Variants in UNC5C observed in about 807,000 individuals in gnomAD.
UNC5C encodes the protein netrin receptor UNC5C.
In UNC5C, 47 loss-of-function variants were observed where a neutral mutation model predicts 99.8. The observed-to-expected ratio is 0.47, with a 90% CI of 0.37 to 0.60. The LOEUF (loss-of-function observed/expected upper bound fraction) is 0.60. UNC5C is among the 20% of genes least tolerant of loss of function. The pLI is 0.00. For synonymous variants in UNC5C, 487 were observed against 452.2 expected (o/e 1.08, Z -0.98); for missense variants, 1,062 against 1,165.9 (o/e 0.91, Z 1.30).
chr4:95,358,191 G>A (rs1273909972), intron 1 of UNC5C, among the ~76,000 whole-genome samples: 1 of 152,060 alleles, frequency 6.6e-6, no homozygotes, highest in African/African-American at 2.4e-5. Context: ...AAACAAAAAA[G>A]CATCACAATC....
At chr4:95,320,857 T>C (rs1056797513) in intron 2 of UNC5C, among the ~76,000 whole-genome samples, 11 of 152,226 alleles carry the variant, frequency 7.2e-5, no homozygotes, top group Non-Finnish European at 1.3e-4. Flanking sequence ...TGCTTTCATC[T>C]TCACTGTGGA....
intron 1 of UNC5C, among the ~76,000 whole-genome samples, chr4:95,466,867 A>C (rs1226585528): frequency 1.3e-5 from 2 of 152,142 alleles, no homozygotes; most frequent in Non-Finnish European, 2.9e-5. Context: ...GGTGGAGTCT[A>C]ACTTCATTCC....
chr4:95,218,186 C>A (rs546136312), intron 9 of UNC5C, among the ~76,000 whole-genome samples: 3 of 152,078 alleles, frequency 2.0e-5, no homozygotes, highest in Non-Finnish European at 4.4e-5. Flanking sequence ...CAGCCTTGCC[C>A]AAAAGAATTA....
chr4:95,438,188 T>C (rs1252617337), intron 1 of UNC5C, among the ~76,000 whole-genome samples: 1 of 152,080 alleles, frequency 6.6e-6, no homozygotes, highest in African/African-American at 2.4e-5. Context: ...ACTCTAGTTT[T>C]AATAAGATAT....
chr4:95,201,430 A>C (rs1237398835), intron 12 of UNC5C, among the ~76,000 whole-genome samples: 1 of 152,150 alleles, frequency 6.6e-6, no homozygotes, highest in East Asian at 1.9e-4. Flanking sequence ...CACTGAAGTC[A>C]GGCTGATATT....
chr4:95,371,430 GGGGGA>G (rs1295693567), intron 1 of UNC5C, among the ~76,000 whole-genome samples: 1 of 67,180 alleles, frequency 1.5e-5, no homozygotes, highest in African/African-American at 8.9e-5. Flanking sequence ...TTGTGGGGGG[GGGGGA>G]GTATCAAATG....
At chr4:95,188,281 G>C (rs1009872859) in intron 12 of UNC5C, among the ~76,000 whole-genome samples, 6 of 152,134 alleles carry the variant, frequency 3.9e-5, no homozygotes, top group East Asian at 1.9e-4. Context: ...TTCCCGCAAA[G>C]TGGCAACTGG....
intron 1 of UNC5C, among the ~76,000 whole-genome samples, chr4:95,364,303 C>T (rs1256463906): frequency 6.6e-6 from 1 of 152,086 alleles, no homozygotes; most frequent in African/African-American, 2.4e-5. Flanking sequence ...TTTTGATACA[C>T]CAAAATGCTG....
At chr4:95,322,678 C>T (rs890894859) in intron 2 of UNC5C, among the ~76,000 whole-genome samples, 5 of 152,000 alleles carry the variant, frequency 3.3e-5, no homozygotes, top group Admixed American at 6.6e-5. Flanking sequence ...GTGGCTCACA[C>T]CTATAATCCC....
At chr4:95,474,915 CCA>C (rs1329107456) in intron 1 of UNC5C, among the ~76,000 whole-genome samples, 2 of 152,078 alleles carry the variant, frequency 1.3e-5, no homozygotes, top group African/African-American at 2.4e-5. Flanking sequence ...ATGACTCTTT[CCA>C]CAGTTTTAAG....
intron 1 of UNC5C, among the ~76,000 whole-genome samples, chr4:95,339,536 T>A (rs1743479640): frequency 2.0e-5 from 3 of 152,050 alleles, no homozygotes; most frequent in Non-Finnish European, 2.9e-5. Context: ...AAAATTGATT[T>A]TTTTTTCTTC....
chr4:95,543,745 A>G (rs1334033789), intron 1 of UNC5C, among the ~76,000 whole-genome samples: 2 of 152,236 alleles, frequency 1.3e-5, no homozygotes, highest in African/African-American at 4.8e-5. Flanking sequence ...GAAAATAGAA[A>G]GTCAAGGACG....
At chr4:95,209,104 A>C (rs1347163167) in intron 10 of UNC5C, among the ~76,000 whole-genome samples, 3 of 152,216 alleles carry the variant, frequency 2.0e-5, no homozygotes, top group Non-Finnish European at 4.4e-5. Flanking sequence ...CCCTAAGCTC[A>C]TAGATCCTTT....
chr4:95,487,384 C>T (rs1167103474), intron 1 of UNC5C, among the ~76,000 whole-genome samples: 1 of 151,460 alleles, frequency 6.6e-6, no homozygotes, highest in Non-Finnish European at 1.5e-5. Flanking sequence ...AATATTTATG[C>T]CCAGTTGAAA....
In UNC5C at chr4:95,330,407, C is replaced by A. The variant is rs748327186; in HGVS notation, c.346+5003G>T. 5.2e-4 allele frequency among the ~76,000 whole-genome samples: 79 copies of A among 152,150 alleles called. No homozygotes were observed. In the Middle Eastern group the frequency reaches 0.014, roughly 27 times the overall value. ...CTTTCCTTAATGTAAGTCATGATAT[C>A]TTTTTTGCCTCTAAGTAGGATTTTT... On this transcript the variant is annotated intron_variant, in intron 2 of 15. Coordinates refer to ENST00000453304, the MANE Select transcript of UNC5C (RefSeq NM_003728.4).
intron 6 of UNC5C, among the ~76,000 whole-genome samples, chr4:95,243,471 T>C (rs1244988241): frequency 1.3e-5 from 2 of 152,278 alleles, no homozygotes; most frequent in East Asian, 3.9e-4. Flanking sequence ...GATAAAAATA[T>C]TGAAATAAGA....
intron 4 of UNC5C, among the ~76,000 whole-genome samples, chr4:95,265,609 A>C (rs552516015): frequency 1.3e-5 from 2 of 152,346 alleles, no homozygotes; most frequent in Non-Finnish European, 2.9e-5. Flanking sequence ...CCCCAAATAC[A>C]TATTTGCCTG....
chr4:95,293,275 G>A (rs1011785637), intron 3 of UNC5C, among the ~76,000 whole-genome samples: 1 of 115,654 alleles, frequency 8.6e-6, no homozygotes, highest in African/African-American at 3.3e-5. Flanking sequence ...TTATGTTTCT[G>A]TATTATAAAT....
chr4:95,546,835 A>T (rs1400249057), intron 1 of UNC5C, among the ~76,000 whole-genome samples: 2 of 151,914 alleles, frequency 1.3e-5, no homozygotes, highest in African/African-American at 4.8e-5. Context: ...TAATTTGGTT[A>T]TTGTAAGCTC....
Sources: gnomAD v4.1 joint callset for allele counts (sites outside exome capture counted in the v4.1 genomes callset) on GRCh38, gnomAD v4.1.1 for gene constraint, MANE v1.5 for transcripts, NCBI Gene and HGNC (gene_info 2026-07-23, HGNC 2026-07-21) for gene names.